The following MYCBP2 variants were observed in gnomAD, a reference collection of about 807,000 sequenced individuals.
MYCBP2 encodes E3 ubiquitin-protein ligase MYCBP2.
MYCBP2 carries 120 observed loss-of-function variants against 525.3 expected under a neutral mutation model. That is an observed-to-expected ratio of 0.23 (90% CI 0.20 to 0.27). The LOEUF (loss-of-function observed/expected upper bound fraction) is 0.27, where lower values mean the gene tolerates loss of function less well. MYCBP2 is among the 10% of genes least tolerant of loss of function. The probability of loss-of-function intolerance (pLI) is 1.00; values close to 1 mark genes in which losing one functional copy is unlikely to be tolerated. For missense variants in MYCBP2, 4,149 were observed against 5,657.1 expected (o/e 0.73, Z 8.55); for synonymous variants, 1,894 against 1,955.8 (o/e 0.97, Z 0.83).
intron 7 of MYCBP2, among the ~76,000 whole-genome samples, chr13:77,269,182 TTCTC>T (rs769257667): frequency 6.6e-6 from 1 of 152,240 alleles, no homozygotes; most frequent in Non-Finnish European, 1.5e-5. Context: ...GGGCTTTTCT[TTCTC>T]TCTTGTGATT....
At chr13:77,047,532 A>G (rs1226837650) in intron 82 of MYCBP2, among the ~76,000 whole-genome samples, 2 of 152,154 alleles carry the variant, frequency 1.3e-5, no homozygotes, top group African/African-American at 2.4e-5. Flanking sequence ...TAGCAAGGGA[A>G]GGGTCCCCAG....
At chr13:77,094,191 C>A (rs781596583) in intron 58 of MYCBP2, among the ~76,000 whole-genome samples, 1 of 152,146 alleles carries the variant, frequency 6.6e-6, no homozygotes, top group African/African-American at 2.4e-5. Flanking sequence ...CAAAATGGAA[C>A]TGTTGGTCGG....
At chr13:77,307,636 A>C (rs977722925) in intron 1 of MYCBP2, among the ~76,000 whole-genome samples, 1 of 143,096 alleles carries the variant, frequency 7.0e-6, no homozygotes, top group Non-Finnish European at 1.6e-5. Context: ...AAAAAAAAAA[A>C]AAAAAAAAAA....
chr13:77,140,128 A>C lies in MYCBP2; in HGVS notation c.7437T>G (p.Leu2479=). The C allele has an allele frequency of 6.2e-7, 1 of 1,613,276 alleles. No individual in the cohort carries two copies. Among genetic ancestry groups the C allele is most frequent in the Non-Finnish European group, 8.5e-7 (1 of 1,179,802 alleles). Residue 2479 remains leucine, a synonymous_variant, in exon 51 of 83, where the codon CTT becomes CTG. Transcript: ENST00000544440. ...RKFVAKDSAG[L]RIRSHPSLQS... ...GAAGGGAAGGGTGGCTACGGATGCG[A>C]AGCCCCGCACTGTCCTTGGCCACAA...
chr13:77,125,040 G>A (rs2051407206), intron 54 of MYCBP2, among the ~76,000 whole-genome samples: 2 of 151,972 alleles, frequency 1.3e-5, no homozygotes, highest in Non-Finnish European at 1.5e-5. Context: ...GTTCAGTCCT[G>A]GACTGGTACA....
chr13:77,206,154 T>G (rs1173956369), intron 24 of MYCBP2, among the ~76,000 whole-genome samples: 1 of 152,004 alleles, frequency 6.6e-6, no homozygotes, highest in Admixed American at 6.6e-5. Flanking sequence ...GATATAAAAT[T>G]TCCAGTTACA....
chr13:77,088,723 C>T, intron 61 of MYCBP2, 109 bp downstream of exon 61: 3 of 884,804 alleles, frequency 3.4e-6, no homozygotes, highest in Non-Finnish European at 5.2e-6. Flanking sequence ...TTGGCTAATG[C>T]CTTTTAATTT....
In MYCBP2 at chr13:77,157,921, C is replaced by A; in HGVS notation, c.6770+16G>T. The A allele has an allele frequency of 1.9e-6, 3 of 1,593,612 alleles. No individual in the cohort carries two copies. Among genetic ancestry groups the A allele is most frequent in the Non-Finnish European group, 2.6e-6 (3 of 1,170,892 alleles). On this transcript the variant is annotated intron_variant, in intron 45 of 82. Coordinates refer to ENST00000544440, the MANE Select transcript of MYCBP2 (RefSeq NM_015057.5). ...GAAAGCCCTAAAATAAAGTAAGTAA[C>A]TTAAAGTACATTTACCTTGCAAGCC...
At chr13:77,110,332 G>T (rs1287877045) in intron 55 of MYCBP2, among the ~76,000 whole-genome samples, 1 of 152,124 alleles carries the variant, frequency 6.6e-6, no homozygotes, top group Non-Finnish European at 1.5e-5. Context: ...ATACGCCCTG[G>T]TCTCCTGCAG....
intron 47 of MYCBP2, among the ~76,000 whole-genome samples, chr13:77,149,902 C>T (rs1344789292): frequency 6.6e-6 from 1 of 152,156 alleles, no homozygotes; most frequent in African/African-American, 2.4e-5. Context: ...GAGACTAAAA[C>T]CAAGTCATGT....
At chr13:77,115,782 C>T (rs2049639995) in intron 55 of MYCBP2, among the ~76,000 whole-genome samples, 1 of 151,300 alleles carries the variant, frequency 6.6e-6, no homozygotes. Flanking sequence ...TAGAATTTTT[C>T]TAGTTAACCA....
intron 27 of MYCBP2, among the ~76,000 whole-genome samples, chr13:77,193,252 T>C (rs1002951018): frequency 6.6e-6 from 1 of 152,176 alleles, no homozygotes; most frequent in Non-Finnish European, 1.5e-5. Flanking sequence ...TAATATTCAT[T>C]TGTATAAAAC....
rs1397850935 is a variant in MYCBP2, at chr13:77,203,384, G to T, written c.3843+1872C>A. Among the ~76,000 whole-genome samples the T allele has an allele frequency of 2.3e-4, 35 of 152,040 alleles. No homozygotes were observed. The East Asian group carries it at 3.5e-3, about 15-fold the overall frequency. ...AGGAGAACTACAAACCACTGCTCAA[G>T]GAAATAAAAGAGGATACAAACAAAT... On this transcript the variant is annotated intron_variant, in intron 26 of 82. Coordinates refer to ENST00000544440, the MANE Select transcript of MYCBP2 (RefSeq NM_015057.5).
chr13:77,175,317 G>T, intron 36 of MYCBP2, among the ~76,000 whole-genome samples: 1 of 151,790 alleles, frequency 6.6e-6, no homozygotes. Flanking sequence ...GAAAAAAATG[G>T]TGAGTCTATT....
intron 80 of MYCBP2, among the ~76,000 whole-genome samples, chr13:77,052,348 G>A (rs369042984): frequency 2.0e-5 from 3 of 152,140 alleles, no homozygotes; most frequent in East Asian, 1.9e-4. Context: ...ATAGGTGCAC[G>A]CCACCACACC....
At chr13:77,151,949 T>C (rs2056521155) in intron 46 of MYCBP2, among the ~76,000 whole-genome samples, 1 of 152,212 alleles carries the variant, frequency 6.6e-6, no homozygotes, top group Non-Finnish European at 1.5e-5. Context: ...TTCTGAGCTT[T>C]ACTCAAAGTT....
chr13:77,198,977 T>C (rs1455609651), intron 26 of MYCBP2, among the ~76,000 whole-genome samples: 1 of 152,230 alleles, frequency 6.6e-6, no homozygotes, highest in Non-Finnish European at 1.5e-5. Flanking sequence ...TCTTCCCTTC[T>C]TACAGAATTT....
At chr13:77,163,664 G>A (rs1316988678) in intron 43 of MYCBP2, among the ~76,000 whole-genome samples, 1 of 152,110 alleles carries the variant, frequency 6.6e-6, no homozygotes, top group Non-Finnish European at 1.5e-5. Flanking sequence ...CTGCTTCAAT[G>A]AAAAATTCTT....
At chr13:77,163,493 G>A (rs138865949) in intron 43 of MYCBP2, among the ~76,000 whole-genome samples, 1 of 152,036 alleles carries the variant, frequency 6.6e-6, no homozygotes, top group African/African-American at 2.4e-5. Context: ...ATGGATTTTG[G>A]GGGGGTAAGA....
Sources: allele counts gnomAD v4.1 joint callset (sites outside exome capture counted in the v4.1 genomes callset), GRCh38; gene constraint gnomAD v4.1.1; transcripts MANE v1.5; gene names NCBI Gene and HGNC (gene_info 2026-07-23, HGNC 2026-07-21).